The following ST8SIA1 variants were observed in gnomAD, a reference collection of about 807,000 sequenced individuals.
ST8SIA1 encodes the protein alpha-N-acetylneuraminide alpha-2,8-sialyltransferase.
ST8SIA1 carries 16 observed loss-of-function variants against 35.9 expected under a neutral mutation model. The observed-to-expected ratio is 0.45, with a 90% confidence interval of 0.30 to 0.68. ST8SIA1 has a LOEUF of 0.68. ST8SIA1 is among the 30% of genes least tolerant of loss of function. The pLI, the probability that ST8SIA1 is intolerant of heterozygous loss-of-function variation, is 0.09. For synonymous variants in ST8SIA1, 170 were observed against 169.6 expected, an observed-to-expected ratio of 1.00 and a Z score of -0.02; for missense variants, 383 against 453.6, an observed-to-expected ratio of 0.84 and a Z score of 1.41.
At chr12:22,228,423 G>C (rs1865381433) in intron 4 of ST8SIA1, among the ~76,000 whole-genome samples, 1 of 152,140 alleles carries the variant, frequency 6.6e-6, no homozygotes, top group Non-Finnish European at 1.5e-5. Context: ...TTCTCTTGTA[G>C]ATTTTTTTGT....
intron 4 of ST8SIA1, among the ~76,000 whole-genome samples, chr12:22,206,285 A>T (rs750662649): frequency 6.6e-6 from 1 of 152,198 alleles, no homozygotes; most frequent in African/African-American, 2.4e-5. Flanking sequence ...AAACCAGAGC[A>T]TGAAGGAACT....
chr12:22,252,940 G>T (rs992300315), intron 3 of ST8SIA1, among the ~76,000 whole-genome samples: 1 of 152,166 alleles, frequency 6.6e-6, no homozygotes, highest in African/African-American at 2.4e-5. Flanking sequence ...TCACTTCTTT[G>T]AATCTGTGAG....
intron 4 of ST8SIA1, among the ~76,000 whole-genome samples, chr12:22,218,668 C>CTA (rs1865262666): frequency 7.3e-6 from 1 of 136,268 alleles, no homozygotes; most frequent in South Asian, 2.4e-4. Context: ...TGGCAGGCGC[C>CTA]TATAATCCCA....
At chr12:22,321,493 T>G (rs928830492) in intron 1 of ST8SIA1, among the ~76,000 whole-genome samples, 2 of 152,222 alleles carry the variant, frequency 1.3e-5, no homozygotes, top group African/African-American at 4.8e-5. Flanking sequence ...TTGCTCTTCT[T>G]GCCTTCTGCC....
chr12:22,248,888 G>T, intron 4 of ST8SIA1, 118 bp downstream of exon 4: 1 of 666,466 alleles, frequency 1.5e-6, no homozygotes, highest in Non-Finnish European at 2.6e-6. Context: ...CTTCCTGCCT[G>T]TCCAGATGGT....
At chr12:22,306,436 A>T (rs548223659) in intron 1 of ST8SIA1, among the ~76,000 whole-genome samples, 2 of 152,280 alleles carry the variant, frequency 1.3e-5, no homozygotes, top group Admixed American at 6.5e-5. Context: ...AGCAAAGTAC[A>T]ATTTTTGAGG....
At chr12:22,219,442 T>C (rs879098464) in intron 4 of ST8SIA1, among the ~76,000 whole-genome samples, 8 of 152,240 alleles carry the variant, frequency 5.3e-5, no homozygotes, top group African/African-American at 1.9e-4. Context: ...GAGCACCAGC[T>C]GCACTTCAGA....
intron 2 of ST8SIA1, among the ~76,000 whole-genome samples, chr12:22,272,748 C>G (rs889568303): frequency 6.6e-6 from 1 of 152,218 alleles, no homozygotes; most frequent in Non-Finnish European, 1.5e-5. Flanking sequence ...ACACAAGAAC[C>G]GACAGTCTGG....
chr12:22,316,741 T>C (rs570379592), intron 1 of ST8SIA1, among the ~76,000 whole-genome samples: 4 of 152,062 alleles, frequency 2.6e-5, no homozygotes, highest in East Asian at 1.9e-4. Flanking sequence ...CCTTAACAAA[T>C]AAAGAACACT....
At chr12:22,304,742 C>T (rs1365892017) in intron 1 of ST8SIA1, among the ~76,000 whole-genome samples, 1 of 152,194 alleles carries the variant, frequency 6.6e-6, no homozygotes, top group African/African-American at 2.4e-5. Flanking sequence ...CATGGTCTAG[C>T]CTCATAATAA....
intron 1 of ST8SIA1, among the ~76,000 whole-genome samples, chr12:22,330,814 T>C (rs377550719): frequency 1.3e-5 from 2 of 152,332 alleles, no homozygotes; most frequent in East Asian, 3.9e-4. Flanking sequence ...ACATAAATTC[T>C]GAATTCAGGT....
chr12:22,273,909 A>T (rs1865940124), intron 2 of ST8SIA1, among the ~76,000 whole-genome samples: 1 of 152,198 alleles, frequency 6.6e-6, no homozygotes, highest in African/African-American at 2.4e-5. Flanking sequence ...TCAATCAAAT[A>T]CTTATAGAAT....
At chr12:22,320,561 G>C (rs1301902575) in intron 1 of ST8SIA1, among the ~76,000 whole-genome samples, 1 of 152,110 alleles carries the variant, frequency 6.6e-6, no homozygotes, top group African/African-American at 2.4e-5. Flanking sequence ...GTAAAGAAGT[G>C]AAGCCGGGAG....
At chr12:22,288,174 A>G (rs1866127124) in intron 1 of ST8SIA1, among the ~76,000 whole-genome samples, 1 of 152,230 alleles carries the variant, frequency 6.6e-6, no homozygotes, top group Admixed American at 6.5e-5. Context: ...ACTCATGAGT[A>G]AAAGAGCTTA....
At chr12:22,251,996 A>G (rs2120757746) in intron 3 of ST8SIA1, among the ~76,000 whole-genome samples, 1 of 152,322 alleles carries the variant, frequency 6.6e-6, no homozygotes, top group South Asian at 2.1e-4. Context: ...CCTTTTGAGG[A>G]TGCAATCCCT....
chr12:22,231,674 C>T (rs891175722), intron 4 of ST8SIA1, among the ~76,000 whole-genome samples: 21 of 151,784 alleles, frequency 1.4e-4, no homozygotes, highest in African/African-American at 4.4e-4. Flanking sequence ...CCCGGGTTCA[C>T]GCCATTCTCC....
intron 1 of ST8SIA1, among the ~76,000 whole-genome samples, chr12:22,326,710 A>G (rs893942423): frequency 3.3e-5 from 5 of 152,224 alleles, no homozygotes; most frequent in Admixed American, 6.5e-5. Flanking sequence ...TTTAATTATC[A>G]TCACAAACCT....
At chr12:22,292,438 C>A (rs549215941) in intron 1 of ST8SIA1, among the ~76,000 whole-genome samples, 3 of 152,188 alleles carry the variant, frequency 2.0e-5, no homozygotes, top group South Asian at 4.1e-4. Flanking sequence ...CTGTTGTATC[C>A]CCATTTCCTG....
rs932423222 is a variant in ST8SIA1, at chr12:22,196,891, A to G, written c.*4661T>C. 2.0e-5 allele frequency: 3 copies of G among 152,006 alleles called. No individual in the cohort carries two copies. Among genetic ancestry groups the G allele is most frequent in the African/African-American group, 7.3e-5 (3 of 41,352 alleles). The allele number at this position is 152,006 out of a possible 1,614,324, so 9.4% of individuals were successfully genotyped here. On this transcript the variant is annotated 3_prime_UTR_variant, in exon 5 of 5. Coordinates refer to ENST00000396037, the MANE Select transcript of ST8SIA1 (RefSeq NM_003034.4). ...CTCTAGTCACAATGCTACTAGCTCAACTCTGGAGCCAAGGCAGCTCTCCTG... is the reference window on the plus strand; with the variant it reads ...CTCTAGTCACAATGCTACTAGCTCAGCTCTGGAGCCAAGGCAGCTCTCCTG...
Sources: allele counts gnomAD v4.1 joint callset (sites outside exome capture counted in the v4.1 genomes callset), GRCh38; gene constraint gnomAD v4.1.1; transcripts MANE v1.5; gene names NCBI Gene and HGNC (gene_info 2026-07-23, HGNC 2026-07-21).